The following ZMYM1 variants were observed in gnomAD, a reference collection of about 807,000 sequenced individuals.
ZMYM1 encodes the protein zinc finger MYM-type protein 1.
Under a neutral mutation model 60.0 loss-of-function variants are expected in ZMYM1, and 39 were observed. The ratio of observed to expected loss-of-function variants is 0.65; its 90% CI spans 0.50 to 0.85. The LOEUF (loss-of-function observed/expected upper bound fraction) is 0.85, where lower values mean the gene tolerates loss of function less well. ZMYM1 is among the 40% of genes least tolerant of loss of function. The pLI, the probability that ZMYM1 is intolerant of heterozygous loss-of-function variation, is 0.00. For synonymous variants in ZMYM1, 413 were observed against 454.0 expected, an observed-to-expected ratio of 0.91 and a Z score of 1.15; for missense variants, 1,171 against 1,309.5, an observed-to-expected ratio of 0.89 and a Z score of 1.63.
rs1035998811 is a variant in ZMYM1, at chr1:35,088,160, C to T, written c.-74-5754C>T. Among the ~76,000 whole-genome samples, 3 of 152,058 alleles carry T rather than the reference C, an allele frequency of 2.0e-5. No individual in the cohort carries two copies. In the East Asian group the frequency reaches 5.8e-4, roughly 29 times the overall value. On this transcript the variant is annotated intron_variant, in intron 1 of 9. Coordinates refer to ENST00000359858, the MANE Select transcript of ZMYM1 (RefSeq NM_024772.5). ...TATGGCTGGGCGCGGTGGCTCACAC[C>T]TGTAATCCCAACACTTTGGGTGGCC...
At chr1:35,082,258 G>T (rs894236128) in intron 1 of ZMYM1, among the ~76,000 whole-genome samples, 1 of 146,716 alleles carries the variant, frequency 6.8e-6, no homozygotes, top group East Asian at 2.0e-4. Context: ...CTTTTGCGGG[G>T]GGTGAGTTGG....
chr1:35,104,987 T>G (rs1643840904), intron 6 of ZMYM1, among the ~76,000 whole-genome samples: 1 of 152,126 alleles, frequency 6.6e-6, no homozygotes, highest in African/African-American at 2.4e-5. Context: ...TATCTCACCT[T>G]AAAGAAAAGG....
rs1488298471 is a variant in ZMYM1, at chr1:35,115,617, T to G, written c.*358T>G. 6.4e-6 allele frequency: 1 copy of G among 156,958 alleles called. No homozygotes were observed. The highest frequency in any genetic ancestry group is 2.4e-5 in the African/African-American group (1 of 41,632). The allele number at this position is 156,958 out of a possible 1,614,324, so 9.7% of individuals were successfully genotyped here. On this transcript the variant is annotated 3_prime_UTR_variant, in exon 10 of 10. Coordinates refer to ENST00000359858, the MANE Select transcript of ZMYM1 (RefSeq NM_024772.5). ...TATTTGAGCAGTCCCTGCTGACATT[T>G]TTTTCCTAACCTTTTGCTATTATAA...
intron 1 of ZMYM1, among the ~76,000 whole-genome samples, chr1:35,061,761 G>C (rs1330924397): frequency 1.3e-5 from 2 of 151,270 alleles, no homozygotes; most frequent in Non-Finnish European, 1.5e-5. Flanking sequence ...GGGTGACAGA[G>C]CAAGACTCCG....
rs61736095 is a variant in ZMYM1 at position 35,114,150 on chromosome 1, T to G, written c.2320T>G (p.Leu774Val). ...AAGTGCTCTAAAAACTCTCAGTTCT[T>G]TGTTCAACACTATTTGTATGTCTGG... ...LRSALKTLSS[L>V]FNTICMSGEM... Residue 774 changes from leucine (L) to valine (V), a missense_variant, in exon 10 of 10, where the codon TTG becomes GTG. Physicochemically the swap from Leu to Val is conservative, Grantham distance 32 (BLOSUM62 1). Transcript: ENST00000359858. 124 of 1,609,656 alleles carry G rather than the reference T, an allele frequency of 7.7e-5. No individual in the cohort carries two copies. In the African/African-American group the frequency reaches 1.5e-3, roughly 20 times the overall value.
At chr1:35,100,698 CAGTT>C (rs1017318433) in intron 4 of ZMYM1, among the ~76,000 whole-genome samples, 7 of 151,958 alleles carry the variant, frequency 4.6e-5, no homozygotes, top group African/African-American at 1.5e-4. Context: ...TTTAGTATCT[CAGTT>C]GGAACCAACC....
chr1:35,096,844 C>A (rs895994380), intron 3 of ZMYM1, among the ~76,000 whole-genome samples: 1 of 152,172 alleles, frequency 6.6e-6, no homozygotes, highest in African/African-American at 2.4e-5. Context: ...GGACTACAGG[C>A]ATGTGTCACC....
chr1:35,080,109 ATG>A (rs920330388), intron 1 of ZMYM1, among the ~76,000 whole-genome samples: 1 of 150,078 alleles, frequency 6.7e-6, no homozygotes, highest in Non-Finnish European at 1.5e-5. Flanking sequence ...AAAAAAAAAA[ATG>A]AAATGTTTGC....
At chr1:35,096,497 C>T (rs1643332021) in intron 3 of ZMYM1, among the ~76,000 whole-genome samples, 1 of 151,262 alleles carries the variant, frequency 6.6e-6, no homozygotes. Context: ...TGGTGCATGC[C>T]TATAGTCCCA....
intron 6 of ZMYM1, among the ~76,000 whole-genome samples, chr1:35,106,608 C>CAAAA (rs752085700): frequency 4.6e-4 from 18 of 38,810 alleles, no homozygotes; most frequent in African/African-American, 1.3e-3. Context: ...GACTCCGTCT[C>CAAAA]AAAAAAAAAA....
chr1:35,091,640 G>A (rs997543357), intron 1 of ZMYM1, among the ~76,000 whole-genome samples: 1 of 151,610 alleles, frequency 6.6e-6, no homozygotes, highest in South Asian at 2.1e-4. Flanking sequence ...GACACCTGTC[G>A]TTGAAGCACT....
In ZMYM1 at chr1:35,115,262, C is replaced by A. The variant is rs1354973887; in HGVS notation, c.*3C>A. ...TCAGTCAGATGAAAGAAATATAATA[C>A]ATGCTCATTTGAACTTACCTAAAAG... On this transcript the variant is annotated 3_prime_UTR_variant, in exon 10 of 10. Transcript: ENST00000359858. The A allele has an allele frequency of 4.5e-6, 7 of 1,563,200 alleles. No individual in the cohort carries two copies. In the East Asian group the frequency reaches 1.6e-4, roughly 35 times the overall value.
Position 35,114,871 on chromosome 1 carries a change from A to G in ZMYM1, c.3041A>G (p.Gln1014Arg), listed in dbSNP as rs767374926. The change falls in exon 10 of 10, where the codon CAG (glutamine) becomes CGG (arginine). Residue 1014 changes from glutamine to arginine, a missense_variant. Physicochemically the swap from Gln to Arg is conservative, Grantham distance 43. Transcript: ENST00000359858. ...AATGAAACAACAGCAAAACATGTTC[A>G]GGAATTTTATAAACTTGATGAGGAC... ...PLNETTAKHV[Q>R]EFYKLDEDII... is the part of the protein sequence containing the mutation. 1 of 1,606,634 alleles carries G rather than the reference A, an allele frequency of 6.2e-7. No individual in the cohort carries two copies. The highest frequency in any genetic ancestry group is 1.3e-5 in the African/African-American group (1 of 74,674).
intron 6 of ZMYM1, among the ~76,000 whole-genome samples, chr1:35,105,426 C>T (rs1016147124): frequency 1.3e-5 from 2 of 151,558 alleles, no homozygotes; most frequent in African/African-American, 4.8e-5. Flanking sequence ...CATGAACCAC[C>T]ACACCTGACC....
chr1:35,092,537 G>A (rs1191293687), intron 1 of ZMYM1, among the ~76,000 whole-genome samples: 6 of 150,940 alleles, frequency 4.0e-5, no homozygotes, highest in Admixed American at 6.6e-5. Context: ...CACTGTGCCC[G>A]GCCAACAGGT....
chr1:35,073,343 AAGGAAGG>A (rs1642105654), intron 1 of ZMYM1, among the ~76,000 whole-genome samples: 7 of 136,158 alleles, frequency 5.1e-5, no homozygotes, highest in African/African-American at 1.2e-4. Flanking sequence ...GAAAGAAAGG[AAGGAAGG>A]AAGGAAGGAA....
intron 1 of ZMYM1, among the ~76,000 whole-genome samples, chr1:35,072,112 C>A (rs1441125337): frequency 1.3e-5 from 2 of 152,022 alleles, no homozygotes; most frequent in East Asian, 3.9e-4. Flanking sequence ...CCAGCCTGGG[C>A]AATAAGAGAG....
At chr1:35,079,867 T>TTCC (rs150439466) in intron 1 of ZMYM1, among the ~76,000 whole-genome samples, 116 of 152,328 alleles carry the variant, frequency 7.6e-4, no homozygotes, top group African/African-American at 2.6e-3. Context: ...ATCCCGACAC[T>TTCC]TTGGGAGGCC....
intron 4 of ZMYM1, among the ~76,000 whole-genome samples, chr1:35,103,197 G>A (rs1411083611): frequency 6.6e-6 from 1 of 151,958 alleles, no homozygotes; most frequent in Non-Finnish European, 1.5e-5. Flanking sequence ...CCTCTATCTT[G>A]TTCCAAAACA....
Sources: gnomAD v4.1 joint callset for allele counts (sites outside exome capture counted in the v4.1 genomes callset) on GRCh38, gnomAD v4.1.1 for gene constraint, MANE v1.5 for transcripts, NCBI Gene and HGNC (gene_info 2026-07-23, HGNC 2026-07-21) for gene names.